PTPRD: variants seen among roughly 807,000 people sequenced by gnomAD.
The protein encoded by PTPRD is receptor-type tyrosine-protein phosphatase delta.
Under a neutral mutation model 214.5 loss-of-function variants are expected in PTPRD, and 34 were observed. The ratio of observed to expected loss-of-function variants is 0.16; its 90% CI spans 0.12 to 0.21. The LOEUF (loss-of-function observed/expected upper bound fraction) is 0.21. Among genes scored for constraint, PTPRD ranks in the 10% least tolerant of loss-of-function variants. The pLI is 1.00. For missense variants in PTPRD, 2,545 were observed against 2,398.7 expected (o/e 1.06, Z -1.27); for synonymous variants, 1,128 against 845.7 (o/e 1.33, Z -5.79).
intron 3 of PTPRD, among the ~76,000 whole-genome samples, chr9:10,220,677 T>C (rs997196959): frequency 5.3e-5 from 8 of 151,902 alleles, no homozygotes; most frequent in African/African-American, 1.9e-4. Flanking sequence ...GGAGCAAGAA[T>C]GGTGCATTGT....
chr9:10,450,066 A>C (rs1313492578), intron 2 of PTPRD, among the ~76,000 whole-genome samples: 1 of 151,296 alleles, frequency 6.6e-6, no homozygotes, highest in Non-Finnish European at 1.5e-5. Flanking sequence ...AGTCATCACC[A>C]CTCCGTAATC....
At chr9:10,365,425 C>T (rs922183881) in intron 2 of PTPRD, among the ~76,000 whole-genome samples, 1 of 152,172 alleles carries the variant, frequency 6.6e-6, no homozygotes, top group African/African-American at 2.4e-5. Context: ...ATCTTCTTAG[C>T]ACACACTTTT....
intron 10 of PTPRD, chr9:9,091,069 G>C (rs376369705): frequency 8.0e-7 from 1 of 1,246,508 alleles, no homozygotes; most frequent in Non-Finnish European, 1.1e-6. Flanking sequence ...TGAAGCGAGC[G>C]TCTTCGATGC....
chr9:8,505,645 A>AC (rs1491444420), intron 22 of PTPRD, among the ~76,000 whole-genome samples: 1 of 118,784 alleles, frequency 8.4e-6, no homozygotes, highest in Admixed American at 8.5e-5. Context: ...AAAAAAAAAA[A>AC]GAAGAAGAAG....
intron 6 of PTPRD, among the ~76,000 whole-genome samples, chr9:9,736,572 A>G (rs1372844063): frequency 6.6e-6 from 1 of 152,038 alleles, no homozygotes; most frequent in East Asian, 1.9e-4. Context: ...AAATAGTGTT[A>G]CGAGAATTGC....
chr9:9,638,193 A>C (rs191613431), intron 7 of PTPRD, among the ~76,000 whole-genome samples: 1 of 152,100 alleles, frequency 6.6e-6, no homozygotes, highest in Non-Finnish European at 1.5e-5. Context: ...AAATTTCCCA[A>C]ATCTTCATAT....
rs141662262 is a variant in PTPRD, at chr9:9,565,145, A to G, written c.-237+9587T>C. Among the ~76,000 whole-genome samples, 468 of 151,890 alleles carry G rather than the reference A, an allele frequency of 3.1e-3. 2 individuals carry two copies. The highest frequency in any genetic ancestry group is 0.011 in the African/African-American group (443 of 41,522). On this transcript the variant is annotated intron_variant, in intron 8 of 45. Coordinates refer to ENST00000381196, the MANE Select transcript of PTPRD (RefSeq NM_002839.4). ...TACTAATATGTGTAAAAGGTTTTGTAAAGTGGAAAGGATTATCTGAATGAG... is the reference window on the plus strand; with the variant it reads ...TACTAATATGTGTAAAAGGTTTTGTGAAGTGGAAAGGATTATCTGAATGAG...
chr9:8,440,564 C>T (rs961769469), intron 34 of PTPRD, among the ~76,000 whole-genome samples: 8 of 152,162 alleles, frequency 5.3e-5, no homozygotes, highest in Non-Finnish European at 8.8e-5. Flanking sequence ...CCGCCTGCCT[C>T]GGGCTCCCAA....
chr9:8,717,431 T>C (rs1362791014), intron 12 of PTPRD, among the ~76,000 whole-genome samples: 1 of 152,180 alleles, frequency 6.6e-6, no homozygotes, highest in Non-Finnish European at 1.5e-5. Flanking sequence ...TGGTATCCCA[T>C]ATTCAAAAAT....
intron 39 of PTPRD, among the ~76,000 whole-genome samples, chr9:8,374,133 T>A (rs2082506638): frequency 6.6e-6 from 1 of 150,912 alleles, no homozygotes; most frequent in Non-Finnish European, 1.5e-5. Context: ...TGTGTGTGTG[T>A]GTGTGTGTGT....
intron 3 of PTPRD, among the ~76,000 whole-genome samples, chr9:10,114,386 A>G (rs961820920): frequency 2.6e-5 from 4 of 152,156 alleles, no homozygotes; most frequent in Non-Finnish European, 5.9e-5. Context: ...CTTAGGCTAT[A>G]AAGGCAATTT....
intron 8 of PTPRD, among the ~76,000 whole-genome samples, chr9:9,558,328 T>C (rs1226818450): frequency 6.6e-6 from 1 of 152,216 alleles, no homozygotes. Flanking sequence ...ATCTGTGCTC[T>C]AAACTCACTG....
intron 2 of PTPRD, among the ~76,000 whole-genome samples, chr9:10,382,195 C>A (rs1392489973): frequency 6.6e-6 from 1 of 151,940 alleles, no homozygotes. Flanking sequence ...ATAGCTGACT[C>A]TGTCATTTAA....
At chr9:8,510,543 T>TA (rs1414488127) in intron 21 of PTPRD, among the ~76,000 whole-genome samples, 1 of 152,156 alleles carries the variant, frequency 6.6e-6, no homozygotes, top group Non-Finnish European at 1.5e-5. Flanking sequence ...ACCTTCCAGG[T>TA]AAAACCTTTC....
At chr9:9,016,251 A>T (rs2099534588) in intron 11 of PTPRD, among the ~76,000 whole-genome samples, 1 of 152,146 alleles carries the variant, frequency 6.6e-6, no homozygotes, top group Non-Finnish European at 1.5e-5. Context: ...AATTACTGTG[A>T]CAATTTTCCC....
Position 8,365,961 on chromosome 9 carries a change from T to G in PTPRD, c.4661+9975A>C, listed in dbSNP as rs189829799. 3.9e-5 allele frequency among the ~76,000 whole-genome samples: 6 copies of G among 152,284 alleles called. No homozygotes were observed. In the East Asian group the frequency reaches 1.2e-3, roughly 29 times the overall value. ...CGAGAAAAAACAAATTACTGTGGTT[T>G]TAAGCCACAGTGTTTTGGGTTGGTA... On this transcript the variant is annotated intron_variant, in intron 39 of 45. Transcript: ENST00000381196.
intron 35 of PTPRD, among the ~76,000 whole-genome samples, chr9:8,432,349 C>T (rs16927848): frequency 0.052 from 7,876 of 152,266 alleles, 307 homozygotes; most frequent in East Asian, 0.12. Flanking sequence ...TTCCAGCTTT[C>T]ACTAAATTCA....
chr9:10,190,718 C>CAAAAAAAAAAAAAAAAAAAAAAAAAAAAA, intron 3 of PTPRD, among the ~76,000 whole-genome samples: 1 of 44,214 alleles, frequency 2.3e-5, no homozygotes, highest in Non-Finnish European at 4.3e-5. Context: ...AACTCTGTCT[C>CAAAAAAAAAAAAAAAAAAAAAAAAAAAAA]AAAAAAAAAA....
chr9:10,050,280 G>C (rs2097504683), intron 3 of PTPRD, among the ~76,000 whole-genome samples: 1 of 151,874 alleles, frequency 6.6e-6, no homozygotes, highest in Admixed American at 6.6e-5. Flanking sequence ...TTATGACTCG[G>C]CCGGGCTCGG....
Sources: allele counts gnomAD v4.1 joint callset (sites outside exome capture counted in the v4.1 genomes callset), GRCh38; gene constraint gnomAD v4.1.1; transcripts MANE v1.5; gene names NCBI Gene and HGNC (gene_info 2026-07-23, HGNC 2026-07-21).